NTRK3: variants seen among roughly 807,000 people sequenced by gnomAD.
The protein encoded by NTRK3 is NT-3 growth factor receptor.
Under a neutral mutation model 91.7 loss-of-function variants are expected in NTRK3, and 24 were observed. The observed-to-expected ratio is 0.26, with a 90% CI of 0.19 to 0.37. The LOEUF (loss-of-function observed/expected upper bound fraction) is 0.37. Ranked by LOEUF, NTRK3 falls within the 10% of genes least tolerant of loss-of-function variation. NTRK3 has a pLI of 1.00. For synonymous variants in NTRK3, 483 were observed against 404.0 expected, an observed-to-expected ratio of 1.20 and a Z score of -2.34; for missense variants, 880 against 1,068.9, an observed-to-expected ratio of 0.82 and a Z score of 2.46.
chr15:88,012,729 C>T (rs1208395646), intron 14 of NTRK3, among the ~76,000 whole-genome samples: 1 of 152,194 alleles, frequency 6.6e-6, no homozygotes, highest in African/African-American at 2.4e-5. Flanking sequence ...TCAGCTTCTT[C>T]AGATATTTTT....
At chr15:87,967,989 G>A (rs1596454991) in intron 14 of NTRK3, among the ~76,000 whole-genome samples, 1 of 152,190 alleles carries the variant, frequency 6.6e-6, no homozygotes, top group Non-Finnish European at 1.5e-5. Flanking sequence ...AGAACAGCAG[G>A]TCTCAAAATG....
chr15:88,149,247 C>T (rs975581504), intron 5 of NTRK3, among the ~76,000 whole-genome samples: 1 of 152,112 alleles, frequency 6.6e-6, no homozygotes, highest in African/African-American at 2.4e-5. Flanking sequence ...GGTTCCACCC[C>T]AGCCTGAACT....
intron 5 of NTRK3, among the ~76,000 whole-genome samples, chr15:88,153,033 T>C (rs2043537746): frequency 6.6e-6 from 1 of 152,216 alleles, no homozygotes; most frequent in Non-Finnish European, 1.5e-5. Flanking sequence ...CGTTTGGTCT[T>C]GGTGCATCCA....
At chr15:88,094,208 T>G (rs562945305) in intron 13 of NTRK3, among the ~76,000 whole-genome samples, 1 of 152,172 alleles carries the variant, frequency 6.6e-6, no homozygotes, top group African/African-American at 2.4e-5. Flanking sequence ...GGCTCACGCC[T>G]GTAATCCCAG....
chr15:88,246,194 G>T (rs2052799455), intron 3 of NTRK3, among the ~76,000 whole-genome samples: 1 of 152,202 alleles, frequency 6.6e-6, no homozygotes, highest in African/African-American at 2.4e-5. Context: ...ATACAAGACT[G>T]CCTGGAACAG....
chr15:88,144,998 C>G (rs542686673), intron 6 of NTRK3, among the ~76,000 whole-genome samples: 6 of 152,270 alleles, frequency 3.9e-5, no homozygotes, highest in Admixed American at 2.0e-4. Flanking sequence ...CTGTGGCTTT[C>G]CTGGCTCCAC....
intron 13 of NTRK3, among the ~76,000 whole-genome samples, chr15:88,077,681 T>C (rs1321238292): frequency 6.6e-6 from 1 of 152,050 alleles, no homozygotes; most frequent in Non-Finnish European, 1.5e-5. Flanking sequence ...TCATAAATAA[T>C]GACAAGGATG....
intron 14 of NTRK3, among the ~76,000 whole-genome samples, chr15:87,983,247 T>C (rs2074449133): frequency 6.6e-6 from 1 of 152,200 alleles, no homozygotes; most frequent in Admixed American, 6.5e-5. Flanking sequence ...ACAGGAGTGC[T>C]GGCGCTGGGG....
chr15:88,059,186 G>A (rs531265281), intron 13 of NTRK3, among the ~76,000 whole-genome samples: 1 of 152,240 alleles, frequency 6.6e-6, no homozygotes, highest in South Asian at 2.1e-4. Flanking sequence ...CCAAGAATTT[G>A]ATGAGCACCC....
At chr15:87,966,992 T>C (rs1035840176) in intron 14 of NTRK3, among the ~76,000 whole-genome samples, 1 of 152,210 alleles carries the variant, frequency 6.6e-6, no homozygotes, top group African/African-American at 2.4e-5. Context: ...TCTCCACACA[T>C]GTCCCTTAGG....
intron 17 of NTRK3, chr15:87,926,891 C>G (rs2068357903): frequency 6.6e-6 from 1 of 152,144 alleles, no homozygotes; most frequent in African/African-American, 2.4e-5. Flanking sequence ...CTACATAGAT[C>G]TGAGCACAGT....
intron 14 of NTRK3, among the ~76,000 whole-genome samples, chr15:88,014,056 A>G (rs557561520): frequency 3.3e-5 from 5 of 152,318 alleles, no homozygotes; most frequent in Non-Finnish European, 5.9e-5. Flanking sequence ...TATCGCTCCA[A>G]AGGAAAACAG....
chr15:87,965,382 C>A (rs999301281), intron 14 of NTRK3, among the ~76,000 whole-genome samples: 1 of 152,194 alleles, frequency 6.6e-6, no homozygotes, highest in Admixed American at 6.5e-5. Context: ...CACAATAGTC[C>A]ACAGATGGGG....
At chr15:88,104,077 G>C (rs1397207410) in intron 13 of NTRK3, among the ~76,000 whole-genome samples, 1 of 152,154 alleles carries the variant, frequency 6.6e-6, no homozygotes, top group Non-Finnish European at 1.5e-5. Context: ...CATCTGCTTT[G>C]CCTCCAAAAG....
rs1332147723 is a variant in NTRK3 at position 87,987,897 on chromosome 15, AATAAAT to A, written c.1585+44954_1585+44959del. On this transcript the variant is annotated intron_variant, in intron 14 of 18. Transcript: ENST00000394480. ...GTCTCAAAATAATAATAATAATAAT[AATAAAT>A]ATAAGATAAAAGTACTACGTTTAAT... Among the ~76,000 whole-genome samples the A allele has an allele frequency of 2.6e-5, 4 of 151,706 alleles. No individual in the cohort carries two copies. In the East Asian group the frequency reaches 5.8e-4, roughly 22 times the overall value.
intron 14 of NTRK3, among the ~76,000 whole-genome samples, chr15:87,967,504 G>A (rs573639036): frequency 6.6e-6 from 1 of 152,178 alleles, no homozygotes; most frequent in East Asian, 1.9e-4. Flanking sequence ...AGCCTCACAT[G>A]TTCCTTAAAC....
rs567236459 is a variant in NTRK3 at position 88,200,743 on chromosome 15, C to G, written c.249-16444G>C. On this transcript the variant is annotated intron_variant, in intron 3 of 18. Transcript: ENST00000394480. ...CTCTTTCCTTTATAAATTACCCAGT[C>G]TCAGGCAGTTCTTTATAGCAGTGGG... Among the ~76,000 whole-genome samples the G allele has an allele frequency of 4.6e-5, 7 of 152,310 alleles. No individual in the cohort carries two copies. The East Asian group carries it at 1.4e-3, about 29-fold the overall frequency.
intron 14 of NTRK3, among the ~76,000 whole-genome samples, chr15:87,971,300 T>A (rs369979859): frequency 1.3e-5 from 2 of 152,090 alleles, no homozygotes; most frequent in Admixed American, 6.5e-5. Context: ...TGGTCGCCGG[T>A]TGGGGGCAAC....
intron 3 of NTRK3, among the ~76,000 whole-genome samples, chr15:88,229,018 A>G (rs1354166109): frequency 6.6e-6 from 1 of 152,160 alleles, no homozygotes; most frequent in Non-Finnish European, 1.5e-5. Context: ...TCACCAGGAC[A>G]TATTGGCTGC....
Sources: gnomAD v4.1 joint callset for allele counts (sites outside exome capture counted in the v4.1 genomes callset) on GRCh38, gnomAD v4.1.1 for gene constraint, MANE v1.5 for transcripts, NCBI Gene and HGNC (gene_info 2026-07-23, HGNC 2026-07-21) for gene names.